Variants in FAM111B observed in about 807,000 individuals in gnomAD.
FAM111B encodes FAM111 trypsin like peptidase B, also known as serine protease FAM111B.
Under a neutral mutation model 2.8 loss-of-function variants are expected in FAM111B, and 1 was observed. The ratio of observed to expected loss-of-function variants is 0.36; its 90% CI spans 0.13 to 1.70. The LOEUF (loss-of-function observed/expected upper bound fraction) is 1.70. Ranked by LOEUF, FAM111B falls within the 40% of genes most tolerant of loss-of-function variation. The pLI is 0.35. For synonymous variants in FAM111B, 297 were observed against 295.6 expected, an observed-to-expected ratio of 1.00 and a Z score of -0.05; for missense variants, 882 against 878.9, an observed-to-expected ratio of 1.00 and a Z score of -0.04.
In FAM111B at chr11:59,125,643, A is replaced by C. The variant is rs1860013716; in HGVS notation, c.1546A>C (p.Thr516Pro). Residue 516 changes from threonine to proline, a missense_variant, in exon 4 of 4, where the codon ACC becomes CCC. Coordinates refer to ENST00000343597, the MANE Select transcript of FAM111B (RefSeq NM_198947.4). ...PDIISKCAKV[T>P]FTYTEFCPTP... Reference sequence around the variant, plus strand: ...TATAATTAGCAAATGTGCGAAGGTAACCTTCACTTATACAGAGTTCTGCCC... The same window carrying C: ...TATAATTAGCAAATGTGCGAAGGTACCCTTCACTTATACAGAGTTCTGCCC... The C allele has an allele frequency of 2.5e-6, 4 of 1,613,858 alleles. No homozygotes were observed. In the East Asian group the frequency reaches 8.9e-5, roughly 36 times the overall value.
rs1860005407 is a variant in FAM111B, at chr11:59,125,360, G to T, written c.1263G>T (p.Lys421Asn). 2.5e-6 allele frequency: 4 copies of T among 1,613,804 alleles called. No homozygotes were observed. In the South Asian group the frequency reaches 3.3e-5, roughly 13 times the overall value. Residue 421 changes from lysine to asparagine, a missense_variant, in exon 4 of 4, where the codon AAG becomes AAT. Physicochemically the swap from Lys to Asn is moderately conservative, Grantham distance 94 (BLOSUM62 0). Transcript: ENST00000343597. Reference protein sequence around the residue: ...WVRKYFREEQKRMNLSPAKQF... With the variant: ...WVRKYFREEQNRMNLSPAKQF... The stretch of plus-strand genomic sequence containing the variant: ...GAAAATATTTTCGGGAAGAACAAAA[G>T]AGAATGAATCTTTCACCAGCTAAGC...
rs1182320131 is a variant in FAM111B, at chr11:59,124,208, C to T, written c.111C>T (p.Asp37=). 9 of 1,612,826 alleles carry T rather than the reference C, an allele frequency of 5.6e-6. No individual in the cohort carries two copies. The highest frequency in any genetic ancestry group is 7.6e-6 in the Non-Finnish European group (9 of 1,179,234). Reference sequence around the variant, plus strand: ...CTGTCATGAAGCAGACACATGCTGACACACCTGTTGATCATTGTCTATCTG... The same window carrying T: ...CTGTCATGAAGCAGACACATGCTGATACACCTGTTGATCATTGTCTATCTG... ...KDTVMKQTHA[D]TPVDHCLSGI... The change falls in exon 4 of 4, where the codon GAC becomes GAT. Residue 37 remains aspartate, a synonymous_variant. Transcript: ENST00000343597.
rs1356869284 is a variant in FAM111B at position 59,107,292 on chromosome 11, G to A, written c.-136G>A. 6.6e-6 allele frequency: 1 copy of A among 152,452 alleles called. No individual in the cohort carries two copies. The highest frequency in any genetic ancestry group is 1.5e-5 in the Non-Finnish European group (1 of 68,246). 9.4% of individuals were successfully genotyped at this position (152,452 alleles called of 1,614,324 possible). Reference sequence around the variant, plus strand: ...TTGCACCGTGTGGACAGACTCTCCGGTTCTGTGAGTGGTTTTTCTTTTCCC... The same window carrying A: ...TTGCACCGTGTGGACAGACTCTCCGATTCTGTGAGTGGTTTTTCTTTTCCC... On this transcript the variant is annotated 5_prime_UTR_variant, in exon 1 of 4. Transcript: ENST00000343597.
At chr11:59,109,054 T>G (rs1290957109) in intron 2 of FAM111B, among the ~76,000 whole-genome samples, 1 of 152,236 alleles carries the variant, frequency 6.6e-6, no homozygotes, top group Non-Finnish European at 1.5e-5. Context: ...GTAGTCTCCC[T>G]GATACTTCAT....
Position 59,126,293 on chromosome 11 carries a change from G to A in FAM111B, c.2196G>A (p.Met732Ile). 1.3e-6 allele frequency: 2 copies of A among 1,519,116 alleles called. No homozygotes were observed. Among genetic ancestry groups the A allele is most frequent in the South Asian group, 1.4e-5 (1 of 72,828 alleles). 94.1% of individuals were successfully genotyped at this position (1,519,116 alleles called of 1,614,324 possible). The change falls in exon 4 of 4, where the codon ATG becomes ATA. Residue 732 changes from methionine to isoleucine, a missense_variant. Coordinates refer to ENST00000343597, the MANE Select transcript of FAM111B (RefSeq NM_198947.4). ...TTCAAGATCATCAGATTGAACCCAT[G>A]GAATGTTAGAAAAGAGATGCTGTCT... is the stretch of plus-strand genomic sequence containing the variant. ...SSLQDHQIEP[M>I]EC
rs1259295020 is a variant in FAM111B at position 59,113,986 on chromosome 11, TAA to T, written c.81+4282_81+4283del. Among the ~76,000 whole-genome samples the T allele has an allele frequency of 3.3e-5, 5 of 152,324 alleles. No homozygotes were observed. In the South Asian group the frequency reaches 1.0e-3, roughly 32 times the overall value. ...CCCAGCTCTTGTGAACCTTACATTTTAAAGAGTGAAAGAGATTATCCAGGAAA... is the reference window on the plus strand; with the variant it reads ...CCCAGCTCTTGTGAACCTTACATTTTAGAGTGAAAGAGATTATCCAGGAAA... On this transcript the variant is annotated intron_variant, in intron 3 of 3. Transcript: ENST00000343597.
Position 59,126,108 on chromosome 11 carries a change from T to A in FAM111B, c.2011T>A (p.Tyr671Asn). Residue 671 changes from tyrosine to asparagine, a missense_variant, in exon 4 of 4, where the codon TAT becomes AAT. Transcript: ENST00000343597. Reference protein sequence around the residue: ...LVALHTFGLFYQRGFNVHALI... With the variant: ...LVALHTFGLFNQRGFNVHALI... ...TGCTTTGCATACCTTTGGGCTTTTT[T>A]ATCAACGAGGATTTAATGTGCATGC... 6.2e-7 allele frequency: 1 copy of A among 1,613,468 alleles called. No homozygotes were observed. Among genetic ancestry groups the A allele is most frequent in the Non-Finnish European group, 8.5e-7 (1 of 1,179,680 alleles).
rs189555293 is a variant in FAM111B, at chr11:59,120,560, A to G, written c.82-3619A>G. Among the ~76,000 whole-genome samples the G allele has an allele frequency of 3.3e-5, 5 of 152,352 alleles. No individual in the cohort carries two copies. The East Asian group carries it at 9.6e-4, about 29-fold the overall frequency. On this transcript the variant is annotated intron_variant, in intron 3 of 3. Coordinates refer to ENST00000343597, the MANE Select transcript of FAM111B (RefSeq NM_198947.4). ...CATGATTCTGGAGGTTCAAAGTACA[A>G]GGTCAAGATGTCAGCAGAGTTTGTG...
intron 3 of FAM111B, among the ~76,000 whole-genome samples, chr11:59,117,911 T>G (rs1297099839): frequency 6.6e-6 from 1 of 152,140 alleles, no homozygotes; most frequent in Non-Finnish European, 1.5e-5. Flanking sequence ...AAAGCATAGA[T>G]TTATTGAAGT....
Position 59,113,113 on chromosome 11 carries a change from T to C in FAM111B, c.81+3407T>C, listed in dbSNP as rs183289656. Among the ~76,000 whole-genome samples, 44 of 152,376 alleles carry C rather than the reference T, an allele frequency of 2.9e-4. 1 individual carries two copies. The highest frequency in any genetic ancestry group is 2.9e-3 in the Admixed American group (44 of 15,310). On this transcript the variant is annotated intron_variant, in intron 3 of 3. Transcript: ENST00000343597. ...CATTTCTAGTTTTCTTCCAGAGTTG[T>C]AGTTTTAGGTTTAGTCTGCAATTGA...
chr11:59,108,286 C>T (rs546643311), intron 1 of FAM111B, among the ~76,000 whole-genome samples: 24 of 152,156 alleles, frequency 1.6e-4, no homozygotes, highest in Admixed American at 3.9e-4. Context: ...TAGACTATGA[C>T]AGTTTTAGGG....
At chr11:59,123,579 A>G (rs1008267426) in intron 3 of FAM111B, among the ~76,000 whole-genome samples, 2 of 152,224 alleles carry the variant, frequency 1.3e-5, no homozygotes, top group African/African-American at 4.8e-5. Flanking sequence ...CATATTTAGA[A>G]TAAGAATCTG....
At chr11:59,114,104 A>G (rs1354661633) in intron 3 of FAM111B, among the ~76,000 whole-genome samples, 5 of 152,254 alleles carry the variant, frequency 3.3e-5, no homozygotes, top group Non-Finnish European at 7.3e-5. Context: ...TGCTCCGGCT[A>G]GGGAAGTCAA....
At chr11:59,110,986 A>T (rs1303645993) in intron 3 of FAM111B, among the ~76,000 whole-genome samples, 1 of 152,224 alleles carries the variant, frequency 6.6e-6, no homozygotes, top group Non-Finnish European at 1.5e-5. Context: ...TCGCTGGTTC[A>T]CATGAGTGGA....
chr11:59,114,211 C>T (rs770714125), intron 3 of FAM111B, among the ~76,000 whole-genome samples: 2 of 152,094 alleles, frequency 1.3e-5, no homozygotes, highest in Non-Finnish European at 2.9e-5. Context: ...CTGTCCAGGG[C>T]CTGAGTGATC....
At chr11:59,118,097 A>T (rs1252364053) in intron 3 of FAM111B, among the ~76,000 whole-genome samples, 1 of 152,222 alleles carries the variant, frequency 6.6e-6, no homozygotes, top group African/African-American at 2.4e-5. Context: ...GGAGAGGACC[A>T]ACTAGAGGTA....
At chr11:59,122,077 G>A (rs1015021470) in intron 3 of FAM111B, among the ~76,000 whole-genome samples, 1 of 152,220 alleles carries the variant, frequency 6.6e-6, no homozygotes, top group African/African-American at 2.4e-5. Flanking sequence ...GGGAAGTGGA[G>A]GTTGCAGTGA....
At position 59,126,151 on chromosome 11, in the gene FAM111B, A is replaced by T; in HGVS notation, c.2054A>T (p.Tyr685Phe). The change falls in exon 4 of 4, where the codon TAT becomes TTT. Residue 685 changes from tyrosine (Y) to phenylalanine (F), a missense_variant. Transcript: ENST00000343597. Reference protein sequence around the residue: ...FNVHALIEFGYSMDSILCDIK... With the variant: ...FNVHALIEFGFSMDSILCDIK... ...GTGCATGCCCTTATTGAATTTGGTT[A>T]TTCTATGGATTCTATTCTTTGTGAT... The T allele has an allele frequency of 6.2e-7, 1 of 1,612,426 alleles. No homozygotes were observed. The highest frequency in any genetic ancestry group is 1.7e-5 in the Admixed American group (1 of 59,714).
At position 59,124,887 on chromosome 11, in the gene FAM111B, T is replaced by C; in HGVS notation, c.790T>C (p.Leu264=). The C allele has an allele frequency of 1.2e-6, 2 of 1,606,176 alleles. No homozygotes were observed. The highest frequency in any genetic ancestry group is 1.7e-6 in the Non-Finnish European group (2 of 1,177,740). Residue 264 remains leucine (L), a synonymous_variant, in exon 4 of 4, where the codon TTA becomes CTA. Coordinates refer to ENST00000343597, the MANE Select transcript of FAM111B (RefSeq NM_198947.4). Reference sequence around the variant, plus strand: ...GGTGGATGAAGTATCTGGAAAAGTCTTAGAAATGGACATTTCAAAAAAAAA... The same window carrying C: ...GGTGGATGAAGTATCTGGAAAAGTCCTAGAAATGGACATTTCAAAAAAAAA... ...SMVDEVSGKV[L]EMDISKKKAL...
Sources: allele counts gnomAD v4.1 joint callset (sites outside exome capture counted in the v4.1 genomes callset), GRCh38; gene constraint gnomAD v4.1.1; transcripts MANE v1.5; gene names NCBI Gene and HGNC (gene_info 2026-07-23, HGNC 2026-07-21).